The following LARP6 variants were observed in gnomAD, a reference collection of about 807,000 sequenced individuals.
The protein encoded by LARP6 is La ribonucleoprotein 6, translational regulator, also known as la-related protein 6.
In LARP6, 18 loss-of-function variants were observed where a neutral mutation model predicts 32.8. The observed-to-expected ratio is 0.55, with a 90% CI of 0.38 to 0.81. The LOEUF (loss-of-function observed/expected upper bound fraction) is 0.81. Ranked by LOEUF, LARP6 falls within the 40% of genes least tolerant of loss-of-function variation. The pLI is 0.00. For synonymous variants in LARP6, 289 were observed against 267.2 expected (o/e 1.08, Z -0.80); for missense variants, 598 against 663.1 (o/e 0.90, Z 1.08).
intron 2 of LARP6, among the ~76,000 whole-genome samples, chr15:70,834,603 A>T (rs1216854588): frequency 6.6e-6 from 1 of 152,246 alleles, no homozygotes; most frequent in African/African-American, 2.4e-5. Context: ...AGAGGGCTAC[A>T]GAAGTCTGTG....
At chr15:70,837,835 C>T (rs911078077) in intron 1 of LARP6, among the ~76,000 whole-genome samples, 5 of 152,206 alleles carry the variant, frequency 3.3e-5, no homozygotes, top group African/African-American at 1.2e-4. Flanking sequence ...GGTCCAAATG[C>T]TTGGTTCAGA....
intron 2 of LARP6, among the ~76,000 whole-genome samples, chr15:70,835,591 G>A (rs554325515): frequency 5.3e-5 from 8 of 152,300 alleles, no homozygotes; most frequent in South Asian, 2.1e-4. Context: ...CACTTGTTAC[G>A]CATCCCGTTA....
chr15:70,844,108 C>T (rs1445058909), intron 1 of LARP6, among the ~76,000 whole-genome samples: 1 of 151,414 alleles, frequency 6.6e-6, no homozygotes, highest in African/African-American at 2.4e-5. Context: ...AGGCACACAC[C>T]ACCCCACCCA....
Position 70,832,908 on chromosome 15 carries a change from C to T in LARP6, c.620G>A (p.Gly207Glu). 6.2e-7 allele frequency: 1 copy of T among 1,603,824 alleles called. No homozygotes were observed. Among genetic ancestry groups the T allele is most frequent in the Non-Finnish European group, 8.5e-7 (1 of 1,175,486 alleles). ...LWALATPQKNGRVQEKVMEHL... is the reference protein window; with the variant it reads ...LWALATPQKNERVQEKVMEHL... ...TTCCATCACCTTCTCTTGCACCCTT[C>T]CATTCTTCTGGGGGGTGGCCAGAGC... Residue 207 changes from glycine to glutamate, a missense_variant, in exon 3 of 3, where the codon GGA (glycine) becomes GAA (glutamate). Physicochemically the swap from Gly to Glu is moderately conservative, Grantham distance 98. Coordinates refer to ENST00000299213, the MANE Select transcript of LARP6 (RefSeq NM_018357.4).
intron 1 of LARP6, chr15:70,849,136 A>G (rs1490879554): frequency 1.3e-5 from 2 of 152,158 alleles, no homozygotes; most frequent in Admixed American, 6.5e-5. Context: ...AGGCAGGTGG[A>G]TCACGAGGTC....
chr15:70,837,012 G>A (rs2032160630), intron 1 of LARP6, among the ~76,000 whole-genome samples: 1 of 152,162 alleles, frequency 6.6e-6, no homozygotes, highest in African/African-American at 2.4e-5. Flanking sequence ...CATGGCCACA[G>A]AAGGAGAGGT....
intron 1 of LARP6, chr15:70,851,741 T>C (rs376630674): frequency 2.5e-6 from 4 of 1,613,780 alleles, no homozygotes; most frequent in South Asian, 2.2e-5. Context: ...GACACAATGA[T>C]AGAATCACAA....
rs570180740 is a variant in LARP6, at chr15:70,850,646, C to T, written c.200+3243G>A. Among the ~76,000 whole-genome samples, 176 of 152,308 alleles carry T rather than the reference C, an allele frequency of 1.2e-3. 2 individuals are homozygous for T. Among genetic ancestry groups the T allele is most frequent in the African/African-American group, 4.1e-3 (170 of 41,568 alleles). ...GACAACCTGTACGATGGAGAAATCT[C>T]CTTAATCGAATGGTCAAATTTAGCA... On this transcript the variant is annotated intron_variant, in intron 1 of 2. Coordinates refer to ENST00000299213, the MANE Select transcript of LARP6 (RefSeq NM_018357.4).
intron 1 of LARP6, among the ~76,000 whole-genome samples, chr15:70,839,228 CAGA>C (rs1387310501): frequency 6.6e-6 from 1 of 152,066 alleles, no homozygotes; most frequent in South Asian, 2.1e-4. Context: ...GACTTGATGT[CAGA>C]AGATCGAGAC....
chr15:70,846,359 A>C (rs1449506237), intron 1 of LARP6, among the ~76,000 whole-genome samples: 2 of 152,222 alleles, frequency 1.3e-5, no homozygotes, highest in African/African-American at 2.4e-5. Context: ...CTGTAATCCC[A>C]GCACTTTGGG....
Position 70,833,069 on chromosome 15 carries a change from C to A in LARP6, c.459G>T (p.Lys153Asn), listed in dbSNP as rs532492757. 1.2e-6 allele frequency: 2 copies of A among 1,614,182 alleles called. No individual in the cohort carries two copies. Among genetic ancestry groups the A allele is most frequent in the Non-Finnish European group, 1.7e-6 (2 of 1,180,042 alleles). ...CATTCAACTCAAGGACCACTGAATA[C>A]TTCAAAGCATGTGCTGTGGTTCTCC... ...RDWRTTAHAL[K>N]YSVVLELNED... Residue 153 changes from lysine (K) to asparagine (N), a missense_variant, in exon 3 of 3, where the codon AAG (lysine) becomes AAT (asparagine). Lys to Asn is a moderately conservative substitution (Grantham distance 94). Transcript: ENST00000299213.
Position 70,836,300 on chromosome 15 carries a change from T to C in LARP6, c.406A>G (p.Lys136Glu). The C allele has an allele frequency of 6.2e-7, 1 of 1,614,024 alleles. No homozygotes were observed. The highest frequency in any genetic ancestry group is 8.5e-7 in the Non-Finnish European group (1 of 1,179,858). ...YVSVKLLTSFKKVKHLTRDWR... is the reference protein window; with the variant it reads ...YVSVKLLTSFEKVKHLTRDWR... ...TTCTGAGAACCAAGCCTCACCTTTT[T>C]GAAGGATGTGAGTAGCTTAACGCTC... Residue 136 changes from lysine to glutamate, a missense_variant, in exon 2 of 3, where the codon AAA becomes GAA. Coordinates refer to ENST00000299213, the MANE Select transcript of LARP6 (RefSeq NM_018357.4).
At chr15:70,834,087 T>C (rs181988721) in intron 2 of LARP6, among the ~76,000 whole-genome samples, 1 of 151,932 alleles carries the variant, frequency 6.6e-6, no homozygotes. Flanking sequence ...TCCCCCTGAG[T>C]CCTCTGAGAA....
At chr15:70,846,716 C>T (rs181638363) in intron 1 of LARP6, among the ~76,000 whole-genome samples, 1 of 151,664 alleles carries the variant, frequency 6.6e-6, no homozygotes, top group Non-Finnish European at 1.5e-5. Flanking sequence ...CTGGCTGTAA[C>T]CAGCATCAAA....
chr15:70,833,690 C>A (rs62019067), intron 2 of LARP6, among the ~76,000 whole-genome samples: 1,677 of 152,356 alleles, frequency 0.011, 15 homozygotes, highest in South Asian at 0.017. Flanking sequence ...TCCAATATTA[C>A]ATGCTATTAT....
rs1483657633 is a variant in LARP6, at chr15:70,831,473, A to C, written c.*579T>G. The C allele has an allele frequency of 6.6e-6, 1 of 152,262 alleles. No individual in the cohort carries two copies. 9.4% of individuals were successfully genotyped at this position (152,262 alleles called of 1,614,324 possible). A position where few individuals can be genotyped will look rare whatever the true frequency, so the allele number is the denominator to read the frequency against. ...GCTAAGCTCCTCAGGGCCTCATGAC[A>C]TACCACCCACAGCTCTGTCAGACAG... On this transcript the variant is annotated 3_prime_UTR_variant, in exon 3 of 3. Coordinates refer to ENST00000299213, the MANE Select transcript of LARP6 (RefSeq NM_018357.4).
Position 70,832,927 on chromosome 15 carries a change from C to T in LARP6, c.601G>A (p.Ala201Thr), listed in dbSNP as rs200716152. ...LYLSPKLWAL[A>T]TPQKNGRVQE... ...ACCCTTCCATTCTTCTGGGGGGTGG[C>T]CAGAGCCCACAGCTTAGGAGACAAG... The change falls in exon 3 of 3, where the codon GCC (alanine) becomes ACC (threonine). Residue 201 changes from alanine (A) to threonine (T), a missense_variant. Transcript: ENST00000299213. The T allele has an allele frequency of 8.1e-6, 13 of 1,601,188 alleles. No homozygotes were observed. Among genetic ancestry groups the T allele is most frequent in the Admixed American group, 5.2e-5 (3 of 58,204 alleles).
chr15:70,834,356 A>C (rs1438953260), intron 2 of LARP6, among the ~76,000 whole-genome samples: 1 of 152,150 alleles, frequency 6.6e-6, no homozygotes, highest in Non-Finnish European at 1.5e-5. Flanking sequence ...GCCCAGGCAA[A>C]GGGTCGGATT....
At chr15:70,835,551 A>C (rs992274605) in intron 2 of LARP6, among the ~76,000 whole-genome samples, 1 of 152,240 alleles carries the variant, frequency 6.6e-6, no homozygotes, top group Non-Finnish European at 1.5e-5. Context: ...GTGCACTCTG[A>C]CAAAGTACAC....
Sources: gnomAD v4.1 joint callset for allele counts (sites outside exome capture counted in the v4.1 genomes callset) on GRCh38, gnomAD v4.1.1 for gene constraint, MANE v1.5 for transcripts, NCBI Gene and HGNC (gene_info 2026-07-23, HGNC 2026-07-21) for gene names.